Variants in SPOCK1 observed in about 807,000 individuals in gnomAD.
SPOCK1 encodes the protein SPARC (osteonectin), cwcv and kazal like domains proteoglycan 1, also known as testican-1.
SPOCK1 carries 23 observed loss-of-function variants against 55.3 expected under a neutral mutation model. That is an observed-to-expected ratio of 0.42 (90% confidence interval 0.30 to 0.59). The LOEUF (loss-of-function observed/expected upper bound fraction) is 0.59, where lower values mean the gene tolerates loss of function less well. Among genes scored for constraint, SPOCK1 ranks in the 20% least tolerant of loss-of-function variants. The pLI, the probability that SPOCK1 is intolerant of heterozygous loss-of-function variation, is 0.22. For missense variants in SPOCK1, 499 were observed against 552.5 expected, an observed-to-expected ratio of 0.90 and a Z score of 0.97; for synonymous variants, 226 against 221.0, an observed-to-expected ratio of 1.02 and a Z score of -0.20.
rs982428223 is a variant in SPOCK1 at position 137,411,455 on chromosome 5, A to C, written c.186+86918T>G. ...ACCAAGGACCTTGTTGGGCATGTTG[A>C]GTTTGGGCATCACTCTGAAGTTAAC... On this transcript the variant is annotated intron_variant, in intron 2 of 10. Coordinates refer to ENST00000394945, the MANE Select transcript of SPOCK1 (RefSeq NM_004598.4). Among the ~76,000 whole-genome samples the C allele has an allele frequency of 2.6e-5, 4 of 152,184 alleles. No homozygotes were observed. In the East Asian group the frequency reaches 7.7e-4, roughly 29 times the overall value.
At chr5:137,267,217 T>C (rs989618558) in intron 2 of SPOCK1, among the ~76,000 whole-genome samples, 162 bp from the exon 3 acceptor site, 2 of 152,176 alleles carry the variant, frequency 1.3e-5, no homozygotes, top group Non-Finnish European at 2.9e-5. Flanking sequence ...TAAAAAAATA[T>C]CAATTTCCTT....
intron 5 of SPOCK1, among the ~76,000 whole-genome samples, chr5:137,110,286 T>A (rs531942898): frequency 6.6e-6 from 1 of 152,356 alleles, no homozygotes; most frequent in East Asian, 1.9e-4. Context: ...AGAAGGGTTC[T>A]ATAAACACTG....
intron 4 of SPOCK1, among the ~76,000 whole-genome samples, chr5:137,116,039 G>A (rs1328167546): frequency 1.3e-5 from 2 of 152,164 alleles, no homozygotes; most frequent in Non-Finnish European, 2.9e-5. Context: ...AATTTAGTCT[G>A]AGAGCAGGTT....
intron 4 of SPOCK1, among the ~76,000 whole-genome samples, chr5:137,126,725 C>G (rs1753788455): frequency 6.6e-6 from 1 of 152,120 alleles, no homozygotes; most frequent in African/African-American, 2.4e-5. Context: ...TCACACCAGT[C>G]TGGGCAACAA....
chr5:137,329,748 C>T (rs866575336), intron 2 of SPOCK1, among the ~76,000 whole-genome samples: 3 of 152,286 alleles, frequency 2.0e-5, no homozygotes. Context: ...CATCCCTTTG[C>T]GCACACACGC....
chr5:137,250,812 A>C (rs1278028733), intron 3 of SPOCK1, among the ~76,000 whole-genome samples: 1 of 152,204 alleles, frequency 6.6e-6, no homozygotes, highest in East Asian at 1.9e-4. Context: ...CAAATGTTCC[A>C]AGCTGGATTA....
At chr5:137,131,970 TCAA>T (rs1484551018) in intron 4 of SPOCK1, among the ~76,000 whole-genome samples, 1 of 8,806 alleles carries the variant, frequency 1.1e-4, no homozygotes, top group Non-Finnish European at 2.1e-4. Flanking sequence ...AGACTCCGTC[TCAA>T]AAAAAAAAAA....
chr5:137,371,737 A>T (rs1476768251), intron 2 of SPOCK1, among the ~76,000 whole-genome samples: 3 of 152,196 alleles, frequency 2.0e-5, no homozygotes, highest in Non-Finnish European at 4.4e-5. Context: ...CCTGGATGAT[A>T]AGATGATGAT....
At position 137,059,851 on chromosome 5, in the gene SPOCK1, G is replaced by A. The variant is rs529112942; in HGVS notation, c.589+7864C>T. Among the ~76,000 whole-genome samples, 5 of 152,310 alleles carry A rather than the reference G, an allele frequency of 3.3e-5. No homozygotes were observed. The South Asian group carries it at 8.3e-4, about 25-fold the overall frequency. ...ATGGCCAACAAGCATATGAAAAAAT[G>A]CTCAACATCACTAATCATTAGAGAA... On this transcript the variant is annotated intron_variant, in intron 6 of 10. Transcript: ENST00000394945.
chr5:137,230,282 T>C (rs1221720612), intron 3 of SPOCK1, among the ~76,000 whole-genome samples: 1 of 152,090 alleles, frequency 6.6e-6, no homozygotes, highest in African/African-American at 2.4e-5. Context: ...ACCCAGCCAG[T>C]CAGAAAAAGA....
rs758464903 is a variant in SPOCK1 at position 136,979,341 on chromosome 5, C to T, written c.1120G>A (p.Val374Met). 2 of 1,614,088 alleles carry T rather than the reference C, an allele frequency of 1.2e-6. No individual in the cohort carries two copies. The highest frequency in any genetic ancestry group is 8.5e-7 in the Non-Finnish European group (1 of 1,179,960). Residue 374 changes from valine (V) to methionine (M), a missense_variant, in exon 10 of 11, where the codon GTG (valine) becomes ATG (methionine). Physicochemically the swap from Val to Met is conservative, Grantham distance 21. Transcript: ENST00000394945. ...ELAGSRKQGAVSCEEEQETSG... is the reference protein window; with the variant it reads ...ELAGSRKQGAMSCEEEQETSG... ...AGGAGGCCTTACTCACCACAGCTCA[C>T]AGCACCCTGTTTCCTGGAGCCAGCC...
chr5:137,017,754 T>C (rs972706428), intron 6 of SPOCK1, among the ~76,000 whole-genome samples: 2 of 152,252 alleles, frequency 1.3e-5, no homozygotes, highest in Non-Finnish European at 2.9e-5. Flanking sequence ...GTACCAATTA[T>C]TAAAAGATGA....
At chr5:137,185,935 C>T (rs1755060827) in intron 3 of SPOCK1, among the ~76,000 whole-genome samples, 2 of 152,184 alleles carry the variant, frequency 1.3e-5, no homozygotes, top group Non-Finnish European at 2.9e-5. Context: ...CCTGATAAGC[C>T]ATGAGAAACG....
At position 137,391,413 on chromosome 5, in the gene SPOCK1, G is replaced by A. The variant is rs560353169; in HGVS notation, c.186+106960C>T. Among the ~76,000 whole-genome samples the A allele has an allele frequency of 6.6e-5, 10 of 152,164 alleles. No homozygotes were observed. The East Asian group carries it at 9.7e-4, about 15-fold the overall frequency. On this transcript the variant is annotated intron_variant, in intron 2 of 10. Transcript: ENST00000394945. ...AGTGGCTGGATGAGGCTAAGGAAAC[G>A]CCAGGAACCCCAACATGAAGGGCAC...
chr5:137,160,571 T>C (rs951126717), intron 3 of SPOCK1, among the ~76,000 whole-genome samples: 1 of 53,872 alleles, frequency 1.9e-5, no homozygotes, highest in African/African-American at 7.4e-5. Context: ...ATATTATATA[T>C]TATATAATAT....
chr5:137,234,700 G>A (rs1335074658), intron 3 of SPOCK1, among the ~76,000 whole-genome samples: 1 of 152,132 alleles, frequency 6.6e-6, no homozygotes, highest in Non-Finnish European at 1.5e-5. Flanking sequence ...CCCCTTGAGG[G>A]TGGGCTAGGG....
At chr5:137,253,125 C>A (rs981044207) in intron 3 of SPOCK1, among the ~76,000 whole-genome samples, 3 of 152,142 alleles carry the variant, frequency 2.0e-5, no homozygotes, top group Admixed American at 2.0e-4. Context: ...AACGTATGTC[C>A]GCATCTACAG....
intron 2 of SPOCK1, among the ~76,000 whole-genome samples, chr5:137,447,423 T>C (rs1753152147): frequency 6.6e-6 from 1 of 152,240 alleles, no homozygotes. Context: ...CTAGTTCTGT[T>C]TCTGTCTGAG....
chr5:136,991,768 CAAAG>C (rs1324485158), intron 7 of SPOCK1, among the ~76,000 whole-genome samples: 1 of 152,178 alleles, frequency 6.6e-6, no homozygotes, highest in Non-Finnish European at 1.5e-5. Flanking sequence ...TTAAAGGCAT[CAAAG>C]AGACTCCATT....
Sources: allele counts gnomAD v4.1 joint callset (sites outside exome capture counted in the v4.1 genomes callset), GRCh38; gene constraint gnomAD v4.1.1; transcripts MANE v1.5; gene names NCBI Gene and HGNC (gene_info 2026-07-23, HGNC 2026-07-21).